MALRD1: variants seen among roughly 807,000 people sequenced by gnomAD.
MALRD1 encodes MAM and LDL-receptor class A domain-containing protein 1.
MALRD1 carries 247 observed loss-of-function variants against 242.1 expected under a neutral mutation model. That is an observed-to-expected ratio of 1.02 (90% CI 0.92 to 1.13). MALRD1 has a LOEUF of 1.13. Ranked by LOEUF, MALRD1 falls within the 50% of genes most tolerant of loss-of-function variation. MALRD1 has a pLI of 0.00. For synonymous variants in MALRD1, 995 were observed against 866.6 expected (o/e 1.15, Z -2.60); for missense variants, 2,989 against 2,533.1 (o/e 1.18, Z -3.86).
intron 28 of MALRD1, among the ~76,000 whole-genome samples, chr10:19,433,082 T>G (rs573228549): frequency 6.6e-6 from 1 of 152,226 alleles, no homozygotes; most frequent in Admixed American, 6.5e-5. Context: ...TAGGTACTCC[T>G]TATCAGATTT....
At chr10:19,548,411 C>G (rs963591940) in intron 32 of MALRD1, among the ~76,000 whole-genome samples, 10 of 151,948 alleles carry the variant, frequency 6.6e-5, no homozygotes, top group African/African-American at 2.2e-4. Flanking sequence ...ATATTTTTGC[C>G]TATTAAATTA....
intron 33 of MALRD1, among the ~76,000 whole-genome samples, chr10:19,591,507 T>A (rs964268286): frequency 6.6e-6 from 1 of 151,194 alleles, no homozygotes; most frequent in African/African-American, 2.4e-5. Flanking sequence ...GTTTTTTTTT[T>A]TTTTTTTTTT....
In MALRD1 at chr10:19,146,315, C is replaced by A; in HGVS notation, c.1529C>A (p.Ala510Glu). 8.1e-7 allele frequency: 1 copy of A among 1,231,538 alleles called. No homozygotes were observed. The highest frequency in any genetic ancestry group is 1.0e-6 in the Non-Finnish European group (1 of 987,842). The allele number at this position is 1,231,538 out of a possible 1,614,324, so 76.3% of individuals were successfully genotyped here. ...AATAATGGAGAGCACCACTTTCCTG[C>A]AGCTGATCACACAGCAAACATAAAT... ...GLNNGEHHFPAADHTANINHG... is the reference protein window; with the variant it reads ...GLNNGEHHFPEADHTANINHG... Residue 510 changes from alanine to glutamate, a missense_variant, in exon 11 of 40, where the codon GCA becomes GAA. By Grantham distance (107) the Ala-to-Glu change is moderately radical. Coordinates refer to ENST00000454679, the MANE Select transcript of MALRD1 (RefSeq NM_001142308.3).
intron 29 of MALRD1, among the ~76,000 whole-genome samples, chr10:19,477,324 A>G (rs1159807122): frequency 6.6e-6 from 1 of 152,184 alleles, no homozygotes; most frequent in African/African-American, 2.4e-5. Flanking sequence ...TCAAAACTCC[A>G]TAACATTTTA....
chr10:19,548,109 C>T (rs1275012091), intron 32 of MALRD1, among the ~76,000 whole-genome samples: 1 of 148,480 alleles, frequency 6.7e-6, no homozygotes, highest in East Asian at 2.0e-4. Flanking sequence ...AGGCAATTCT[C>T]CTGCCTCAGC....
Position 19,719,187 on chromosome 10 carries a change from T to TAC in MALRD1, c.6315-11518_6315-11517insCA, listed in dbSNP as rs57044935. Among the ~76,000 whole-genome samples, 4 of 91,818 alleles carry TAC rather than the reference T, an allele frequency of 4.4e-5. 1 individual carries two copies. The highest frequency in any genetic ancestry group is 1.2e-4 in the African/African-American group (2 of 16,342). The allele number at this position is 91,818 out of a possible 152,430, so 60.2% of individuals were successfully genotyped here. The stretch of plus-strand genomic sequence containing the variant: ...ATATATATACATACATATATATATA[T>TAC]ATACATACATATATATATATATATA... On this transcript the variant is annotated intron_variant, in intron 38 of 39. Transcript: ENST00000454679.
chr10:19,051,397 G>C (rs976453460), intron 1 of MALRD1: 3 of 152,450 alleles, frequency 2.0e-5, no homozygotes, highest in Non-Finnish European at 4.4e-5. Context: ...TTAAATTTCT[G>C]ATGCCTCAGG....
chr10:19,175,098 A>G (rs1052004025), intron 13 of MALRD1, 110 bp from the exon 14 acceptor site: 1 of 765,498 alleles, frequency 1.3e-6, no homozygotes, highest in African/African-American at 1.8e-5. Context: ...CTAAAATTAG[A>G]TTGGAGAATG....
rs1339219790 is a variant in MALRD1, at chr10:19,368,890, TTTGTGTG to T, written c.4441+16595_4441+16601del. 4.4e-3 allele frequency among the ~76,000 whole-genome samples: 631 copies of T among 142,358 alleles called. 2 individuals are homozygous for T. The highest frequency in any genetic ancestry group is 8.7e-3 in the African/African-American group (335 of 38,386). 93.4% of individuals were successfully genotyped at this position (142,358 alleles called of 152,430 possible). On this transcript the variant is annotated intron_variant, in intron 26 of 39. Transcript: ENST00000454679. Reference sequence around the variant, plus strand: ...TTGTGTATGTGTGTGTGTGTGTGTGTTTGTGTGTGTGTGTGTGTGTGTGTGTGTGTGT... The same window carrying T: ...TTGTGTATGTGTGTGTGTGTGTGTGTTGTGTGTGTGTGTGTGTGTGTGTGT...
rs137974649 is a variant in MALRD1, at chr10:19,331,583, G to A, written c.3901+1G>A. The stretch of plus-strand genomic sequence containing the variant: ...TCAGATGAGACTACTTTCATTTGCC[G>A]TAAGTAAAAGGGTTCTGTTTTCTTA... On this transcript the variant is annotated splice_donor_variant, in intron 24 of 39. Transcript: ENST00000454679. LOFTEE classifies it high-confidence loss of function. The A allele has an allele frequency of 1.3e-4, 199 of 1,549,120 alleles. 1 individual carries two copies. The East Asian group carries it at 4.3e-3, about 33-fold the overall frequency.
chr10:19,507,813 A>T (rs1833209414), intron 31 of MALRD1, among the ~76,000 whole-genome samples: 2 of 152,224 alleles, frequency 1.3e-5, no homozygotes, highest in Non-Finnish European at 1.5e-5. Context: ...GAATAAATGG[A>T]GGTGTTTTCA....
intron 18 of MALRD1, among the ~76,000 whole-genome samples, chr10:19,223,938 C>G (rs1403311683): frequency 1.3e-5 from 2 of 152,136 alleles, no homozygotes; most frequent in Non-Finnish European, 2.9e-5. Context: ...ATTCTTTATC[C>G]AGTCTATCAT....
At chr10:19,516,994 A>C (rs894709877) in intron 31 of MALRD1, among the ~76,000 whole-genome samples, 3 of 152,210 alleles carry the variant, frequency 2.0e-5, no homozygotes, top group African/African-American at 7.2e-5. Context: ...CAAGCACTTA[A>C]AACAAAAGTA....
chr10:19,396,552 C>A (rs1846588607), intron 28 of MALRD1, among the ~76,000 whole-genome samples: 1 of 152,044 alleles, frequency 6.6e-6, no homozygotes, highest in Non-Finnish European at 1.5e-5. Context: ...AAATGAAGAC[C>A]CATGTCACAT....
intron 29 of MALRD1, among the ~76,000 whole-genome samples, chr10:19,459,611 A>T (rs923609161): frequency 1.1e-4 from 17 of 152,092 alleles, no homozygotes; most frequent in African/African-American, 1.4e-4. Flanking sequence ...ATTTTAAATT[A>T]AAAAAGTCAA....
At chr10:19,269,769 TC>T (rs1840127277) in intron 19 of MALRD1, among the ~76,000 whole-genome samples, 1 of 152,222 alleles carries the variant, frequency 6.6e-6, no homozygotes, top group African/African-American at 2.4e-5. Context: ...TAAAATTTCC[TC>T]ATTCTGGTGG....
chr10:19,587,093 G>A (rs746689188), intron 33 of MALRD1, among the ~76,000 whole-genome samples: 5 of 152,272 alleles, frequency 3.3e-5, no homozygotes, highest in East Asian at 3.9e-4. Flanking sequence ...GCTCGCGCAC[G>A]GTGCATGCAC....
At position 19,173,372 on chromosome 10, in the gene MALRD1, C is replaced by T. The variant is rs570517372; in HGVS notation, c.1831-1836C>T. ...TGATTCATTCACATGTAAGTTCTTT[C>T]CTGTCATTTGTCATCAAAACCAGCA... On this transcript the variant is annotated intron_variant, in intron 13 of 39. Transcript: ENST00000454679. 3.3e-5 allele frequency among the ~76,000 whole-genome samples: 5 copies of T among 152,154 alleles called. No homozygotes were observed. The South Asian group carries it at 1.0e-3, about 32-fold the overall frequency.
chr10:19,283,450 G>C (rs7905010), intron 21 of MALRD1, among the ~76,000 whole-genome samples: 1 of 151,854 alleles, frequency 6.6e-6, no homozygotes, highest in African/African-American at 2.4e-5. Flanking sequence ...AGCCCTGTTA[G>C]TATATTGTTT....
Sources: allele counts gnomAD v4.1 joint callset (sites outside exome capture counted in the v4.1 genomes callset), GRCh38; gene constraint gnomAD v4.1.1; transcripts MANE v1.5; gene names NCBI Gene and HGNC (gene_info 2026-07-23, HGNC 2026-07-21).